ARMC5: variants seen among roughly 807,000 people sequenced by gnomAD.
ARMC5 encodes the protein armadillo repeat containing 5.
A neutral mutation model predicts 60.5 loss-of-function variants in ARMC5; 28 were observed. The observed-to-expected ratio is 0.46, with a 90% CI of 0.34 to 0.63. The LOEUF (loss-of-function observed/expected upper bound fraction) is 0.63. Among genes scored for constraint, ARMC5 ranks in the 30% least tolerant of loss-of-function variants. The probability of loss-of-function intolerance (pLI) is 0.01; values close to 1 mark genes in which losing one functional copy is unlikely to be tolerated. For missense variants in ARMC5, 1,189 were observed against 1,304.9 expected (o/e 0.91, Z 1.37); for synonymous variants, 680 against 607.3 (o/e 1.12, Z -1.76).
intron 3 of ARMC5, among the ~76,000 whole-genome samples, chr16:31,463,424 C>T (rs772931210): frequency 3.3e-5 from 5 of 152,280 alleles, no homozygotes; most frequent in African/African-American, 4.8e-5. Flanking sequence ...CTTGGTTCCA[C>T]GCCAGCACCT....
chr16:31,466,421 C>T lies in ARMC5; in HGVS notation c.2340C>T (p.Gly780=). 6.2e-7 allele frequency: 1 copy of T among 1,612,094 alleles called. No homozygotes were observed. The highest frequency in any genetic ancestry group is 8.5e-7 in the Non-Finnish European group (1 of 1,179,838). Residue 780 remains glycine, a synonymous_variant, in exon 6 of 6, where the codon GGC becomes GGT. Coordinates refer to ENST00000268314, the MANE Select transcript of ARMC5 (RefSeq NM_001105247.2). The surrounding 1 kb of genome is among the most constrained non-coding windows in gnomAD (Gnocchi z 8.0). The part of the protein sequence containing the change: ...ASPFFRALLS[G]SFAEAQMDLV... Reference sequence around the variant, plus strand: ...CTTTCTTCCGGGCCCTGCTGTCAGGCAGCTTTGCAGAAGCCCAGATGGACC... The same window carrying T: ...CTTTCTTCCGGGCCCTGCTGTCAGGTAGCTTTGCAGAAGCCCAGATGGACC...
rs1013164834 is a variant in ARMC5, at chr16:31,465,824, C to A, written c.1865-26C>A. The A allele has an allele frequency of 3.1e-6, 5 of 1,606,520 alleles. No homozygotes were observed. In the African/African-American group the frequency reaches 6.7e-5, roughly 21 times the overall value. On this transcript the variant is annotated intron_variant, in intron 4 of 5. Coordinates refer to ENST00000268314, the MANE Select transcript of ARMC5 (RefSeq NM_001105247.2). ...CCCACCTGTCTTAGACCCCAGTTCC[C>A]AGCCTGACAAGCTTTCCACTCACAG... is the stretch of plus-strand genomic sequence containing the variant.
upstream of ARMC5, chr16:31,458,436 G>A: frequency 6.5e-7 from 1 of 1,535,768 alleles, no homozygotes; most frequent in Non-Finnish European, 8.7e-7. Context: ...TTTCACCGGT[G>A]TGTACCCAGT....
At chr16:31,461,848 G>T in intron 1 of ARMC5, 74 bp from the exon 2 acceptor site, 1 of 1,414,644 alleles carries the variant, frequency 7.1e-7, no homozygotes, top group Non-Finnish European at 1.0e-6. Flanking sequence ...GCCCTCTCAG[G>T]CCACATTCTC....
At position 31,461,965 on chromosome 16, in the gene ARMC5, A is replaced by G; in HGVS notation, c.519A>G (p.Arg173=). The G allele has an allele frequency of 1.2e-6, 2 of 1,614,222 alleles. No individual in the cohort carries two copies. The highest frequency in any genetic ancestry group is 1.7e-6 in the Non-Finnish European group (2 of 1,180,036). ...TGAAGACAGACAGCATCCAGAACCG[A>G]ACGGCCCGTGCCCTGGGGAACTTAG... ...QCMKTDSIQN[R]TARALGNLAM... The change falls in exon 2 of 6, where the codon CGA becomes CGG. Residue 173 remains arginine (R), a synonymous_variant. Transcript: ENST00000268314.
chr16:31,465,907 C>CCCTG lies in ARMC5; in HGVS notation c.1923_1926dup (p.Thr643ProfsTer11). 2 of 1,608,816 alleles carry CCCTG rather than the reference C, an allele frequency of 1.2e-6. No individual in the cohort carries two copies. The highest frequency in any genetic ancestry group is 1.7e-6 in the Non-Finnish European group (2 of 1,179,830). ...GCTGAGTCGCCCTTTGGGGTTGGGG[C>CCCTG]CCTGACGCACCTGCTGCTCTCTGGG... On this transcript the variant is annotated frameshift_variant, in exon 5 of 6. Transcript: ENST00000268314. LOFTEE classifies it high-confidence loss of function.
Position 31,462,140 on chromosome 16 carries a change from C to G in ARMC5, c.593C>G (p.Pro198Arg). ...CGDIHCAGAV[P>R]LLVESLTACQ... is the part of the protein sequence containing the mutation. ...CCTTTCCTGCCCTCAGGTGCTGTTCCCCTGCTTGTGGAGAGCCTGACAGCC... is the reference window on the plus strand; with the variant it reads ...CCTTTCCTGCCCTCAGGTGCTGTTCGCCTGCTTGTGGAGAGCCTGACAGCC... The change falls in exon 3 of 6, where the codon CCC becomes CGC. Residue 198 changes from proline (P) to arginine (R), a missense_variant. By Grantham distance (103) the Pro-to-Arg change is moderately radical. This residue lies in a region of ARMC5 where 862 missense variants were observed against 1,071.2 expected (regional missense o/e 0.80). Transcript: ENST00000268314. The surrounding 1 kb of genome is among the most constrained non-coding windows in gnomAD (Gnocchi z 7.2). 6.2e-7 allele frequency: 1 copy of G among 1,612,028 alleles called. No homozygotes were observed. The highest frequency in any genetic ancestry group is 1.7e-5 in the Admixed American group (1 of 59,984).
Position 31,464,824 on chromosome 16 carries a change from G to T in ARMC5, c.1801G>T (p.Ala601Ser). 1 of 1,596,842 alleles carries T rather than the reference G, an allele frequency of 6.3e-7. No homozygotes were observed. The highest frequency in any genetic ancestry group is 8.5e-7 in the Non-Finnish European group (1 of 1,177,984). ...LLRAWLVLGV[A>S]PDDWPAPRAR... ...GCGGGCCTGGCTGGTGCTGGGGGTG[G>T]CGCCTGACGATTGGCCGGCACCACG... The change falls in exon 4 of 6, where the codon GCG becomes TCG. Residue 601 changes from alanine to serine, a missense_variant. By Grantham distance (99) the Ala-to-Ser change is moderately conservative (BLOSUM62 1). Coordinates refer to ENST00000268314, the MANE Select transcript of ARMC5 (RefSeq NM_001105247.2). The surrounding 1 kb of genome is among the most constrained non-coding windows in gnomAD (Gnocchi z 7.6).
At position 31,464,845 on chromosome 16, in the gene ARMC5, C is replaced by A; in HGVS notation, c.1822C>A (p.Pro608Thr). 6.3e-7 allele frequency: 1 copy of A among 1,598,176 alleles called. No homozygotes were observed. Among genetic ancestry groups the A allele is most frequent in the Non-Finnish European group, 8.5e-7 (1 of 1,178,312 alleles). ...GGTGGCGCCTGACGATTGGCCGGCA[C>A]CACGTGCCCGGCCCACTCTCCACAG... Reference protein sequence around the residue: ...LGVAPDDWPAPRARPTLHSRH... With the variant: ...LGVAPDDWPATRARPTLHSRH... Residue 608 changes from proline to threonine, a missense_variant, in exon 4 of 6, where the codon CCA becomes ACA. Around this residue, in one of 2 missense-constraint regions of ARMC5, gnomAD observed 862 missense variants for 1,071.2 expected, o/e 0.80. Coordinates refer to ENST00000268314, the MANE Select transcript of ARMC5 (RefSeq NM_001105247.2). This position sits in a 1 kb window ranked among gnomAD's most constrained non-coding sequence, Gnocchi z 7.6.
At chr16:31,460,431 C>T (rs1169167899) in intron 1 of ARMC5, among the ~76,000 whole-genome samples, 1 of 152,152 alleles carries the variant, frequency 6.6e-6, no homozygotes, top group African/African-American at 2.4e-5. Context: ...GCAAAAGTCA[C>T]CTAACCCCTC....
chr16:31,459,157 C>T, upstream of ARMC5: 1 of 1,505,662 alleles, frequency 6.6e-7, no homozygotes, highest in East Asian at 2.5e-5. Flanking sequence ...GCCGAGTGCA[C>T]GCCGGGGGCG....
chr16:31,466,821 G>A lies in ARMC5; in HGVS notation c.2740G>A (p.Gly914Arg). 6.3e-7 allele frequency: 1 copy of A among 1,596,150 alleles called. No homozygotes were observed. Among genetic ancestry groups the A allele is most frequent in the South Asian group, 1.1e-5 (1 of 87,732 alleles). The change falls in exon 6 of 6, where the codon GGG (glycine) becomes AGG (arginine). Residue 914 changes from glycine (G) to arginine (R), a missense_variant. By Grantham distance (125) the Gly-to-Arg change is moderately radical (BLOSUM62 -2). Around this residue, in one of 2 missense-constraint regions of ARMC5, gnomAD observed 862 missense variants for 1,071.2 expected, o/e 0.80. Coordinates refer to ENST00000268314, the MANE Select transcript of ARMC5 (RefSeq NM_001105247.2). The surrounding 1 kb of genome is among the most constrained non-coding windows in gnomAD (Gnocchi z 8.0). ...GLVEAAGEEAGPLTEALLAVV... is the reference protein window; with the variant it reads ...GLVEAAGEEARPLTEALLAVV... Reference sequence around the variant, plus strand: ...TGTGGAGGCAGCAGGTGAAGAGGCAGGGCCCCTGACGGAGGCTTTGCTGGC... The same window carrying A: ...TGTGGAGGCAGCAGGTGAAGAGGCAAGGCCCCTGACGGAGGCTTTGCTGGC...
chr16:31,459,389 A>G, upstream of ARMC5: 1 of 1,537,050 alleles, frequency 6.5e-7, no homozygotes, highest in Non-Finnish European at 8.7e-7. Context: ...GTCGAGAACT[A>G]CAACTTCCGA....
At position 31,464,179 on chromosome 16, in the gene ARMC5, A is replaced by G. The variant is rs968830794; in HGVS notation, c.1371-215A>G. 6.6e-6 allele frequency among the ~76,000 whole-genome samples: 1 copy of G among 151,416 alleles called. No homozygotes were observed. Among genetic ancestry groups the G allele is most frequent in the Non-Finnish European group, 1.5e-5 (1 of 67,932 alleles). ...GGTGCACACAGCTGTAGTGCCAGCT[A>G]CTTGGGAGGCTGAGGTGGGAGGATC... On this transcript the variant is annotated intron_variant, in intron 3 of 5. Coordinates refer to ENST00000268314, the MANE Select transcript of ARMC5 (RefSeq NM_001105247.2). This position sits in a 1 kb window ranked among gnomAD's most constrained non-coding sequence, Gnocchi z 7.6.
At position 31,467,128 on chromosome 16, in the gene ARMC5, A is replaced by G; in HGVS notation, c.*239A>G. 1 of 428,790 alleles carries G rather than the reference A, an allele frequency of 2.3e-6. No homozygotes were observed. Among genetic ancestry groups the G allele is most frequent in the Non-Finnish European group, 4.1e-6 (1 of 245,098 alleles). The allele number at this position is 428,790 out of a possible 1,614,324, so 26.6% of individuals were successfully genotyped here. On this transcript the variant is annotated 3_prime_UTR_variant, in exon 6 of 6. Coordinates refer to ENST00000268314, the MANE Select transcript of ARMC5 (RefSeq NM_001105247.2). ...GAGCCCCAGGTGCCTGGCCTGGCCT[A>G]GACCTCTGGAATTGAGATTAAACAA... is the stretch of plus-strand genomic sequence containing the variant.
Position 31,462,953 on chromosome 16 carries a change from G to A in ARMC5, c.1370+36G>A. ...GCCTCAGGGCTTGGGAGGGTGAGCA[G>A]TGCAGTGATGTGGGGTTTGTGTCTG... On this transcript the variant is annotated intron_variant, in intron 3 of 5. Transcript: ENST00000268314. The surrounding 1 kb of genome is among the most constrained non-coding windows in gnomAD (Gnocchi z 7.2). The A allele has an allele frequency of 6.7e-7, 1 of 1,491,566 alleles. No individual in the cohort carries two copies. The highest frequency in any genetic ancestry group is 8.9e-7 in the Non-Finnish European group (1 of 1,119,646). 92.4% of individuals were successfully genotyped at this position (1,491,566 alleles called of 1,614,324 possible).
rs533167546 is a variant in ARMC5 at position 31,462,270 on chromosome 16, G to T, written c.723G>T (p.Pro241=). ...LALAQQGAVR[P]LAELLATAPD... is the part of the protein sequence containing the mutation. ...TGGCACAGCAGGGAGCAGTGCGTCC[G>T]CTGGCCGAGCTCCTGGCCACTGCCC... Residue 241 remains proline, a synonymous_variant, in exon 3 of 6, where the codon CCG becomes CCT. Transcript: ENST00000268314. This position sits in a 1 kb window ranked among gnomAD's most constrained non-coding sequence, Gnocchi z 7.2. The T allele has an allele frequency of 3.2e-5, 52 of 1,609,286 alleles. No homozygotes were observed. The South Asian group carries it at 5.2e-4, about 16-fold the overall frequency.
Position 31,459,578 on chromosome 16 carries a change from G to A in ARMC5, c.54G>A (p.Gln18=), listed in dbSNP as rs749628410. 3.7e-6 allele frequency: 6 copies of A among 1,604,048 alleles called. No homozygotes were observed. The highest frequency in any genetic ancestry group is 4.5e-5 in the East Asian group (2 of 44,832). ...LTDSLSFCLA[Q]LAAAAGEALG... ...ACTCGCTCTCGTTCTGCCTCGCGCA[G>A]CTCGCGGCGGCGGCCGGGGAGGCTC... The change falls in exon 1 of 6, where the codon CAG becomes CAA. Residue 18 remains glutamine, a synonymous_variant. Transcript: ENST00000268314.
In ARMC5 at chr16:31,462,023, T is replaced by C. The variant is rs2082307918; in HGVS notation, c.577T>C (p.Cys193Arg). 1.9e-6 allele frequency: 3 copies of C among 1,614,036 alleles called. No individual in the cohort carries two copies. The highest frequency in any genetic ancestry group is 1.7e-5 in the Admixed American group (1 of 60,004). ...ACCTGAGAGCTGTGGGGACATCCAC[T>C]GTGCTGGTAAGAGGCTGTGAGGTTG... ...MEPESCGDIH[C>R]AGAVPLLVES... The change falls in exon 2 of 6, where the codon TGT (cysteine) becomes CGT (arginine). Residue 193 changes from cysteine to arginine, a missense_variant. Cys to Arg is a radical substitution (Grantham distance 180). Transcript: ENST00000268314. The surrounding 1 kb of genome is among the most constrained non-coding windows in gnomAD (Gnocchi z 7.2).
Sources: allele counts gnomAD v4.1 joint callset (sites outside exome capture counted in the v4.1 genomes callset), GRCh38; gene constraint gnomAD v4.1.1; regional missense constraint gnomAD v4.1.1; non-coding constraint Gnocchi (gnomAD v3.1); transcripts MANE v1.5; gene names NCBI Gene and HGNC (gene_info 2026-07-23, HGNC 2026-07-21).